Variants in CDH13 observed in about 807,000 individuals in gnomAD.
The protein encoded by CDH13 is cadherin 13.
In CDH13, 24 loss-of-function variants were observed where a neutral mutation model predicts 63.8. The observed-to-expected ratio is 0.38, with a 90% CI of 0.27 to 0.53. The LOEUF is 0.53. CDH13 is among the 20% of genes least tolerant of loss of function. CDH13 has a pLI of 0.85. For missense variants in CDH13, 1,049 were observed against 903.1 expected (o/e 1.16, Z -2.07); for synonymous variants, 503 against 355.3 (o/e 1.42, Z -4.67).
rs138154368 is a variant in CDH13, at chr16:83,032,833, T to C, written c.366+615T>C. ...TGGACTGAGAGTGAAAGAAATGTAG[T>C]TCCTCAAAGTAAATTAAGGAGCTGT... On this transcript the variant is annotated intron_variant, in intron 3 of 13. Transcript: ENST00000567109. Among the ~76,000 whole-genome samples the C allele has an allele frequency of 6.8e-3, 1,030 of 152,310 alleles. 9 individuals carry two copies. The highest frequency in any genetic ancestry group is 0.014 in the Middle Eastern group (4 of 294).
chr16:82,915,779 T>A (rs991137810), intron 2 of CDH13, among the ~76,000 whole-genome samples: 1 of 151,240 alleles, frequency 6.6e-6, no homozygotes, highest in Non-Finnish European at 1.5e-5. Context: ...GCTCATCTCA[T>A]ATCAGAGACT....
intron 2 of CDH13, among the ~76,000 whole-genome samples, chr16:82,973,932 G>GT (rs1340054168): frequency 7.3e-5 from 11 of 151,608 alleles, no homozygotes; most frequent in Admixed American, 2.0e-4. Context: ...TTGGTTTTTG[G>GT]TTTTTTTTGA....
intron 2 of CDH13, among the ~76,000 whole-genome samples, chr16:82,998,595 A>T (rs528234325): frequency 1.3e-5 from 2 of 152,002 alleles, no homozygotes; most frequent in Admixed American, 1.3e-4. Context: ...CCAATACCTC[A>T]TGCCACTCTC....
At chr16:83,186,281 G>A (rs1483378223) in intron 4 of CDH13, among the ~76,000 whole-genome samples, 3 of 151,866 alleles carry the variant, frequency 2.0e-5, no homozygotes, top group Non-Finnish European at 4.4e-5. Flanking sequence ...TGGGACTACG[G>A]GCACATACCA....
chr16:82,990,632 G>A (rs528561053), intron 2 of CDH13, among the ~76,000 whole-genome samples: 10 of 149,838 alleles, frequency 6.7e-5, no homozygotes, highest in Non-Finnish European at 8.9e-5. Context: ...CTGCCGCCTT[G>A]AACTCCTGGG....
At chr16:83,786,200 G>C (rs959960415) in intron 13 of CDH13, among the ~76,000 whole-genome samples, 3 of 152,170 alleles carry the variant, frequency 2.0e-5, no homozygotes, top group African/African-American at 7.2e-5. Context: ...TGACAAGGAA[G>C]AGAAACCAAC....
At chr16:83,261,425 G>A (rs927876755) in intron 5 of CDH13, among the ~76,000 whole-genome samples, 1 of 152,126 alleles carries the variant, frequency 6.6e-6, no homozygotes, top group African/African-American at 2.4e-5. Flanking sequence ...GGGGTTGGGG[G>A]TGCTCCTGGC....
intron 1 of CDH13, among the ~76,000 whole-genome samples, chr16:82,757,127 C>T (rs1166064777): frequency 6.6e-6 from 1 of 152,180 alleles, no homozygotes; most frequent in Non-Finnish European, 1.5e-5. Flanking sequence ...ATACAGTGGT[C>T]ACAGTACCTC....
Position 83,099,273 on chromosome 16 carries a change from A to T in CDH13, c.367-26112A>T, listed in dbSNP as rs1428562589. ...AACTATTACATAAATGTACACACAC[A>T]CATTTTACACTAAAAACAATTCTAT... On this transcript the variant is annotated intron_variant, in intron 3 of 13. Coordinates refer to ENST00000567109, the MANE Select transcript of CDH13 (RefSeq NM_001257.5). Among the ~76,000 whole-genome samples, 3 of 152,288 alleles carry T rather than the reference A, an allele frequency of 2.0e-5. No individual in the cohort carries two copies. In the East Asian group the frequency reaches 5.8e-4, roughly 29 times the overall value.
At chr16:82,856,180 T>C (rs935181697) in intron 1 of CDH13, among the ~76,000 whole-genome samples, 11 of 151,382 alleles carry the variant, frequency 7.3e-5, no homozygotes, top group Middle Eastern at 3.2e-3. Context: ...ATCGAGACCA[T>C]CCTGGCGAAC....
At chr16:82,718,210 A>G (rs190811718) in intron 1 of CDH13, among the ~76,000 whole-genome samples, 1 of 152,332 alleles carries the variant, frequency 6.6e-6, no homozygotes, top group East Asian at 1.9e-4. Flanking sequence ...CTGGGAGACA[A>G]TGAAAACCAC....
intron 1 of CDH13, 111 bp from the exon 2 acceptor site, chr16:82,858,251 G>A: frequency 1.5e-6 from 1 of 660,542 alleles, no homozygotes; most frequent in Non-Finnish European, 2.7e-6. Context: ...TCTTCATTTG[G>A]GAAATGAAAT....
At chr16:83,399,757 G>C (rs1259851304) in intron 6 of CDH13, among the ~76,000 whole-genome samples, 1 of 152,088 alleles carries the variant, frequency 6.6e-6, no homozygotes, top group Non-Finnish European at 1.5e-5. Flanking sequence ...TAGACTCTGG[G>C]CTCCAGGAGA....
chr16:83,677,715 G>C (rs1915075978), intron 9 of CDH13, among the ~76,000 whole-genome samples: 1 of 152,136 alleles, frequency 6.6e-6, no homozygotes, highest in African/African-American at 2.4e-5. Context: ...GATCACAGAG[G>C]CAGGGTTATC....
chr16:83,292,389 T>C (rs1030436742), intron 5 of CDH13, among the ~76,000 whole-genome samples: 13 of 152,160 alleles, frequency 8.5e-5, no homozygotes, highest in African/African-American at 3.1e-4. Flanking sequence ...TGGGGACTTT[T>C]GGGGCCTGAT....
intron 2 of CDH13, among the ~76,000 whole-genome samples, chr16:82,864,828 A>G (rs907417162): frequency 9.2e-5 from 14 of 152,214 alleles, no homozygotes; most frequent in African/African-American, 3.4e-4. Flanking sequence ...CAAAGGTCCA[A>G]GTCCAAAGTC....
intron 1 of CDH13, among the ~76,000 whole-genome samples, chr16:82,643,489 G>A (rs966983099): frequency 1.3e-5 from 2 of 152,214 alleles, no homozygotes; most frequent in Non-Finnish European, 1.5e-5. Flanking sequence ...CAGGCTGTTT[G>A]GGTCTAATTC....
At position 83,417,416 on chromosome 16, in the gene CDH13, G is replaced by T. The variant is rs558770692; in HGVS notation, c.782-69061G>T. Among the ~76,000 whole-genome samples the T allele has an allele frequency of 3.3e-5, 5 of 152,124 alleles. No individual in the cohort carries two copies. The East Asian group carries it at 9.7e-4, about 29-fold the overall frequency. On this transcript the variant is annotated intron_variant, in intron 6 of 13. Transcript: ENST00000567109. ...ACCTCTACCCCATTCTCTTCTTGCT[G>T]CCCTGACTAGTTGAACTGTCCTCTT...
rs8063349 is a variant in CDH13, at chr16:83,092,543, C to A, written c.367-32842C>A. 6.9e-3 allele frequency among the ~76,000 whole-genome samples: 1,052 copies of A among 152,312 alleles called. 19 individuals are homozygous for A. Among genetic ancestry groups the A allele is most frequent in the African/African-American group, 0.025 (1,019 of 41,566 alleles). ...GCTGATATAATAAAATATTGCAAATCAATAGAAGCTTTAAAGAAGCTTCAT... is the reference window on the plus strand; with the variant it reads ...GCTGATATAATAAAATATTGCAAATAAATAGAAGCTTTAAAGAAGCTTCAT... On this transcript the variant is annotated intron_variant, in intron 3 of 13. Transcript: ENST00000567109.
Sources: gnomAD v4.1 joint callset for allele counts (sites outside exome capture counted in the v4.1 genomes callset) on GRCh38, gnomAD v4.1.1 for gene constraint, MANE v1.5 for transcripts, NCBI Gene and HGNC (gene_info 2026-07-23, HGNC 2026-07-21) for gene names.